Variants in MEOX2 observed in about 807,000 individuals in gnomAD.
MEOX2 encodes the protein homeobox protein MOX-2.
In MEOX2, 11 loss-of-function variants were observed where a neutral mutation model predicts 27.0. That is an observed-to-expected ratio of 0.41 (90% CI 0.26 to 0.68). MEOX2 has a LOEUF of 0.68. Among genes scored for constraint, MEOX2 ranks in the 30% least tolerant of loss-of-function variants. MEOX2 has a pLI of 0.33. For missense variants in MEOX2, 436 were observed against 385.4 expected (o/e 1.13, Z -1.10); for synonymous variants, 189 against 155.4 (o/e 1.22, Z -1.61).
At chr7:15,643,723 C>T (rs1162021577) in intron 1 of MEOX2, among the ~76,000 whole-genome samples, 1 of 152,182 alleles carries the variant, frequency 6.6e-6, no homozygotes, top group Non-Finnish European at 1.5e-5. Context: ...GGGTGCCCAG[C>T]CGCTGTGCCC....
At chr7:15,674,352 A>AT in intron 1 of MEOX2, among the ~76,000 whole-genome samples, 1 of 152,268 alleles carries the variant, frequency 6.6e-6, no homozygotes. Flanking sequence ...AAAGAACTAA[A>AT]TTAAGTGCAA....
intron 1 of MEOX2, among the ~76,000 whole-genome samples, chr7:15,673,622 T>A (rs1583789560): frequency 7.4e-6 from 1 of 136,008 alleles, no homozygotes; most frequent in Non-Finnish European, 1.6e-5. Context: ...AAAAAAAGAT[T>A]GGTCAGAACA....
chr7:15,685,821 C>T, intron 1 of MEOX2, 65 bp downstream of exon 1: 1 of 1,526,208 alleles, frequency 6.6e-7, no homozygotes. Flanking sequence ...AGAATCTCCC[C>T]TAGTATCTCT....
rs1255448052 is a variant in MEOX2, at chr7:15,656,291, G to T, written c.518-29373C>A. ...ACACAATAAATGGTTGGTTCATGAA[G>T]TTTTTTAAACCACTCTATCAATCTC... is the stretch of plus-strand genomic sequence containing the variant. On this transcript the variant is annotated intron_variant, in intron 1 of 2. Coordinates refer to ENST00000262041, the MANE Select transcript of MEOX2 (RefSeq NM_005924.5). Among the ~76,000 whole-genome samples, 5 of 151,900 alleles carry T rather than the reference G, an allele frequency of 3.3e-5. No individual in the cohort carries two copies. In the East Asian group the frequency reaches 9.7e-4, roughly 29 times the overall value.
chr7:15,676,342 G>A (rs1411380659), intron 1 of MEOX2, among the ~76,000 whole-genome samples: 3 of 152,112 alleles, frequency 2.0e-5, no homozygotes, highest in South Asian at 2.1e-4. Flanking sequence ...AGTAATATTT[G>A]CACATTTGCC....
chr7:15,655,111 T>C (rs1781797874), intron 1 of MEOX2, among the ~76,000 whole-genome samples: 1 of 151,630 alleles, frequency 6.6e-6, no homozygotes, highest in Admixed American at 6.6e-5. Context: ...ATTGCACTAG[T>C]TTGTGCTTTT....
chr7:15,641,516 A>T (rs1394747796), intron 1 of MEOX2, among the ~76,000 whole-genome samples: 1 of 152,016 alleles, frequency 6.6e-6, no homozygotes, highest in Admixed American at 6.6e-5. Context: ...ATTACATGTG[A>T]AGTGGGTCCC....
intron 1 of MEOX2, among the ~76,000 whole-genome samples, chr7:15,640,962 A>C (rs1781550275): frequency 6.6e-6 from 1 of 152,150 alleles, no homozygotes; most frequent in Non-Finnish European, 1.5e-5. Flanking sequence ...ATCTATGTTC[A>C]TCAGAGATAT....
At chr7:15,664,767 A>G (rs995225842) in intron 1 of MEOX2, among the ~76,000 whole-genome samples, 13 of 152,216 alleles carry the variant, frequency 8.5e-5, no homozygotes, top group Admixed American at 5.2e-4. Context: ...TTCTTGGCTT[A>G]GTCTCTGCTC....
chr7:15,653,145 T>C (rs550586850), intron 1 of MEOX2, among the ~76,000 whole-genome samples: 4 of 127,284 alleles, frequency 3.1e-5, no homozygotes, highest in Admixed American at 1.7e-4. Flanking sequence ...CATCATGTGT[T>C]AGAATCACCA....
At chr7:15,662,760 A>G (rs1044849816) in intron 1 of MEOX2, among the ~76,000 whole-genome samples, 1 of 152,000 alleles carries the variant, frequency 6.6e-6, no homozygotes, top group African/African-American at 2.4e-5. Flanking sequence ...TTGGTAATTT[A>G]TTTGTATTTC....
intron 1 of MEOX2, among the ~76,000 whole-genome samples, chr7:15,663,371 C>A (rs1369546566): frequency 2.0e-5 from 3 of 150,570 alleles, no homozygotes; most frequent in Admixed American, 6.6e-5. Flanking sequence ...CTCACTCAGT[C>A]ACCCAAGCTG....
At chr7:15,642,406 C>A (rs1261264035) in intron 1 of MEOX2, among the ~76,000 whole-genome samples, 1 of 152,124 alleles carries the variant, frequency 6.6e-6, no homozygotes, top group African/African-American at 2.4e-5. Flanking sequence ...TTCTACTCTA[C>A]TGCTAAGTTT....
chr7:15,676,957 G>A (rs1407709911), intron 1 of MEOX2, among the ~76,000 whole-genome samples: 9 of 152,112 alleles, frequency 5.9e-5, no homozygotes, highest in Admixed American at 5.9e-4. Flanking sequence ...AGACCCAAGA[G>A]AAGAGGAAGT....
intron 2 of MEOX2, among the ~76,000 whole-genome samples, chr7:15,618,371 T>A (rs1674177301): frequency 6.6e-6 from 1 of 152,040 alleles, no homozygotes; most frequent in Non-Finnish European, 1.5e-5. Context: ...TATTGTGTTA[T>A]AAAATTACTG....
chr7:15,679,558 ATCAGT>A (rs1782259761), intron 1 of MEOX2: 5 of 152,110 alleles, frequency 3.3e-5, no homozygotes, highest in African/African-American at 1.2e-4. Context: ...TAGAGCTATA[ATCAGT>A]ACCCTAAAGT....
rs75325422 is a variant in MEOX2, at chr7:15,683,042, T to C, written c.517+2844A>G. 8.7e-3 allele frequency among the ~76,000 whole-genome samples: 1,324 copies of C among 152,174 alleles called. 22 individuals carry two copies. Among genetic ancestry groups the C allele is most frequent in the African/African-American group, 0.03 (1,234 of 41,558 alleles). On this transcript the variant is annotated intron_variant, in intron 1 of 2. Coordinates refer to ENST00000262041, the MANE Select transcript of MEOX2 (RefSeq NM_005924.5). ...ACATGAAGCTGCTAGAGTTTGCATA[T>C]GTGTGTGTCCATGTGCATTTGTGGA...
chr7:15,685,151 T>A (rs1324747510), intron 1 of MEOX2, among the ~76,000 whole-genome samples: 1 of 152,240 alleles, frequency 6.6e-6, no homozygotes, highest in Non-Finnish European at 1.5e-5. Context: ...CTTTTGAAAC[T>A]TAGGTTCTGT....
intron 1 of MEOX2, among the ~76,000 whole-genome samples, chr7:15,639,296 A>G (rs529277608): frequency 3.3e-5 from 5 of 152,088 alleles, no homozygotes; most frequent in Admixed American, 3.3e-4. Context: ...GTATGTGTTC[A>G]TGTCCTTTTT....
Sources: gnomAD v4.1 joint callset for allele counts (sites outside exome capture counted in the v4.1 genomes callset) on GRCh38, gnomAD v4.1.1 for gene constraint, MANE v1.5 for transcripts, NCBI Gene and HGNC (gene_info 2026-07-23, HGNC 2026-07-21) for gene names.